TSPAN5: variants seen among roughly 807,000 people sequenced by gnomAD.
TSPAN5 encodes tetraspanin 5, also known as tetraspanin-5.
A neutral mutation model predicts 37.1 loss-of-function variants in TSPAN5; 10 were observed. The observed-to-expected ratio is 0.27, with a 90% CI of 0.17 to 0.46. The LOEUF (loss-of-function observed/expected upper bound fraction) is 0.46, where lower values mean the gene tolerates loss of function less well. Ranked by LOEUF, TSPAN5 falls within the 20% of genes least tolerant of loss-of-function variation. TSPAN5 has a pLI of 1.00. For missense variants in TSPAN5, 195 were observed against 326.6 expected (o/e 0.60, Z 3.11); for synonymous variants, 110 against 118.9 (o/e 0.93, Z 0.48).
rs977362210 is a variant in TSPAN5, at chr4:98,472,328, T to C, written c.*194A>G. The C allele has an allele frequency of 1.0e-5, 5 of 480,954 alleles. No individual in the cohort carries two copies. Among genetic ancestry groups the C allele is most frequent in the African/African-American group, 2.0e-5 (1 of 49,896 alleles). The allele number at this position is 480,954 out of a possible 1,614,324, so 29.8% of individuals were successfully genotyped here. ...ATTCACGGCGCAACGACTTTCATAC[T>C]GGTTATTTTTTTTTTTAATTCTGTC... On this transcript the variant is annotated 3_prime_UTR_variant, in exon 8 of 8. Coordinates refer to ENST00000305798, the MANE Select transcript of TSPAN5 (RefSeq NM_005723.4).
At chr4:98,507,781 A>G (rs1753511177) in intron 1 of TSPAN5, 53 bp from the exon 2 acceptor site, 1 of 1,345,264 alleles carries the variant, frequency 7.4e-7, no homozygotes, top group East Asian at 2.3e-5. Flanking sequence ...GCTAATATAA[A>G]GAAGAAACTT....
chr4:98,556,034 A>ACCC (rs1578989918), intron 1 of TSPAN5, among the ~76,000 whole-genome samples: 1 of 65,980 alleles, frequency 1.5e-5, no homozygotes. Flanking sequence ...CCACACACAC[A>ACCC]GCACCCCCAC....
At position 98,565,699 on chromosome 4, in the gene TSPAN5, C is replaced by CT. The variant is rs377277721; in HGVS notation, c.82-57972dup. 1.4e-3 allele frequency among the ~76,000 whole-genome samples: 217 copies of CT among 152,226 alleles called. 1 individual carries two copies. The highest frequency in any genetic ancestry group is 4.9e-3 in the African/African-American group (203 of 41,542). The stretch of plus-strand genomic sequence containing the variant: ...AAAAAGCTGCCTGGAATTTTGTAGC[C>CT]TTTATCACAAGCAGCTGAGAGGCTG... On this transcript the variant is annotated intron_variant, in intron 1 of 7. Coordinates refer to ENST00000305798, the MANE Select transcript of TSPAN5 (RefSeq NM_005723.4).
intron 1 of TSPAN5, among the ~76,000 whole-genome samples, chr4:98,532,558 T>C (rs1444682347): frequency 6.6e-6 from 1 of 152,246 alleles, no homozygotes; most frequent in Non-Finnish European, 1.5e-5. Context: ...GAGACTTTGC[T>C]GAAGTTGCTT....
chr4:98,472,654 C>A, intron 7 of TSPAN5, 67 bp from the exon 8 acceptor site: 1 of 1,355,322 alleles, frequency 7.4e-7, no homozygotes, highest in South Asian at 1.2e-5. Context: ...CCACTGTGTC[C>A]CATTTTTTTA....
intron 2 of TSPAN5, among the ~76,000 whole-genome samples, chr4:98,492,694 C>T (rs908215021): frequency 3.3e-5 from 5 of 152,176 alleles, no homozygotes; most frequent in Non-Finnish European, 7.3e-5. Context: ...TTCAAGTCAA[C>T]GTAGTAATTA....
intron 1 of TSPAN5, among the ~76,000 whole-genome samples, chr4:98,545,166 C>T (rs978109240): frequency 6.6e-6 from 1 of 152,204 alleles, no homozygotes; most frequent in African/African-American, 2.4e-5. Flanking sequence ...GAGGGTTTTT[C>T]TTCCTGCTAG....
At chr4:98,475,603 C>A (rs1752673312) in intron 7 of TSPAN5, among the ~76,000 whole-genome samples, 1 of 152,184 alleles carries the variant, frequency 6.6e-6, no homozygotes, top group Non-Finnish European at 1.5e-5. Flanking sequence ...TGCCAGTAGG[C>A]AACCACTATC....
At chr4:98,622,807 A>G (rs1317009943) in intron 1 of TSPAN5, among the ~76,000 whole-genome samples, 2 of 152,146 alleles carry the variant, frequency 1.3e-5, no homozygotes, top group Non-Finnish European at 2.9e-5. Flanking sequence ...AAGTATAGAA[A>G]AGAGGGGCTT....
intron 1 of TSPAN5, among the ~76,000 whole-genome samples, chr4:98,600,279 G>C (rs892948620): frequency 6.6e-6 from 1 of 152,054 alleles, no homozygotes; most frequent in South Asian, 2.1e-4. Flanking sequence ...CTGAAGGTTG[G>C]GGTGGCTGTG....
At chr4:98,624,972 A>G (rs560876992) in intron 1 of TSPAN5, among the ~76,000 whole-genome samples, 157 of 152,360 alleles carry the variant, frequency 1.0e-3, no homozygotes, top group African/African-American at 3.6e-3. Context: ...TCCCAAAAAA[A>G]CCATCATTGA....
intron 1 of TSPAN5, among the ~76,000 whole-genome samples, chr4:98,648,423 A>C (rs755233648): frequency 5.7e-4 from 86 of 152,204 alleles, no homozygotes; most frequent in Non-Finnish European, 1.0e-3. Flanking sequence ...GCACTGACAC[A>C]CGCAGAGTGG....
chr4:98,510,898 T>C lies in TSPAN5; in HGVS notation c.82-3170A>G, dbSNP rs149863356. Among the ~76,000 whole-genome samples, 658 of 152,304 alleles carry C rather than the reference T, an allele frequency of 4.3e-3. 5 individuals carry two copies. Among genetic ancestry groups the C allele is most frequent in the Middle Eastern group, 0.014 (4 of 294 alleles). On this transcript the variant is annotated intron_variant, in intron 1 of 7. Transcript: ENST00000305798. ...TCAGACCATATGTTTTGTTTTAAAA[T>C]CAAGTTGTTCCAGTTCCCAATAATT...
rs530454097 is a variant in TSPAN5, at chr4:98,537,222, C to T, written c.82-29494G>A. Among the ~76,000 whole-genome samples, 13 of 152,334 alleles carry T rather than the reference C, an allele frequency of 8.5e-5. No individual in the cohort carries two copies. The South Asian group carries it at 2.1e-3, about 24-fold the overall frequency. On this transcript the variant is annotated intron_variant, in intron 1 of 7. Coordinates refer to ENST00000305798, the MANE Select transcript of TSPAN5 (RefSeq NM_005723.4). Reference sequence around the variant, plus strand: ...GGAGTTCCTCAGGCTCAGTCCCTCACGGCTTCCTTTGGCTAGAGGACGAAA... The same window carrying T: ...GGAGTTCCTCAGGCTCAGTCCCTCATGGCTTCCTTTGGCTAGAGGACGAAA...
intron 2 of TSPAN5, among the ~76,000 whole-genome samples, chr4:98,499,016 C>T (rs914210689): frequency 3.9e-5 from 6 of 152,138 alleles, no homozygotes; most frequent in Non-Finnish European, 8.8e-5. Flanking sequence ...AAGAAGTGAC[C>T]TCAGAGGGCA....
chr4:98,601,137 T>A (rs1341187536), intron 1 of TSPAN5, among the ~76,000 whole-genome samples: 3 of 152,226 alleles, frequency 2.0e-5, no homozygotes, highest in African/African-American at 7.2e-5. Flanking sequence ...TGTGCTGTCA[T>A]CTGGGCTTTG....
chr4:98,618,861 A>G (rs1287611226), intron 1 of TSPAN5, among the ~76,000 whole-genome samples: 2 of 152,312 alleles, frequency 1.3e-5, no homozygotes, highest in Non-Finnish European at 2.9e-5. Flanking sequence ...TCATCTAACA[A>G]GTCTATAGCA....
At position 98,617,989 on chromosome 4, in the gene TSPAN5, G is replaced by A. The variant is rs145032488; in HGVS notation, c.81+40157C>T. 6.0e-3 allele frequency among the ~76,000 whole-genome samples: 907 copies of A among 152,336 alleles called. 7 individuals carry two copies. The highest frequency in any genetic ancestry group is 0.034 in the Middle Eastern group (10 of 294). On this transcript the variant is annotated intron_variant, in intron 1 of 7. Transcript: ENST00000305798. ...CACTTCACAACAGGCCATGGCATCT[G>A]CCACTGTCCTTGGTCTTCTGAACAG...
intron 1 of TSPAN5, among the ~76,000 whole-genome samples, chr4:98,587,396 AT>A (rs1024081762): frequency 6.6e-6 from 1 of 152,078 alleles, no homozygotes; most frequent in Admixed American, 6.6e-5. Flanking sequence ...CATGCTGCCA[AT>A]TTGTCTCATA....
Sources: allele counts gnomAD v4.1 joint callset (sites outside exome capture counted in the v4.1 genomes callset), GRCh38; gene constraint gnomAD v4.1.1; transcripts MANE v1.5; gene names NCBI Gene and HGNC (gene_info 2026-07-23, HGNC 2026-07-21).